ELOVL6: variants seen among roughly 807,000 people sequenced by gnomAD.
The protein encoded by ELOVL6 is ELOVL fatty acid elongase 6.
In ELOVL6, 8 loss-of-function variants were observed where a neutral mutation model predicts 31.7. The ratio of observed to expected loss-of-function variants is 0.25; its 90% CI spans 0.15 to 0.45. ELOVL6 has a LOEUF of 0.45. Ranked by LOEUF, ELOVL6 falls within the 20% of genes least tolerant of loss-of-function variation. ELOVL6 has a pLI of 1.00. For synonymous variants in ELOVL6, 101 were observed against 117.7 expected (o/e 0.86, Z 0.92); for missense variants, 126 against 326.4 (o/e 0.39, Z 4.73).
At chr4:110,125,533 G>C (rs1196291541) in intron 1 of ELOVL6, among the ~76,000 whole-genome samples, 1 of 151,894 alleles carries the variant, frequency 6.6e-6, no homozygotes, top group Admixed American at 6.6e-5. Context: ...GAAAGATAGG[G>C]ATTTAGGCCA....
chr4:110,084,859 C>T (rs907412506), intron 2 of ELOVL6, among the ~76,000 whole-genome samples: 4 of 151,686 alleles, frequency 2.6e-5, no homozygotes, highest in African/African-American at 9.7e-5. Context: ...TCCCAAAGTG[C>T]TGGGATTACA....
chr4:110,079,473 C>G (rs1246969461), intron 2 of ELOVL6, among the ~76,000 whole-genome samples: 1 of 151,998 alleles, frequency 6.6e-6, no homozygotes, highest in South Asian at 2.1e-4. Context: ...AACTGAACAA[C>G]CTGCTCCTGA....
At chr4:110,130,000 C>A (rs1038679383) in intron 1 of ELOVL6, among the ~76,000 whole-genome samples, 1 of 146,068 alleles carries the variant, frequency 6.8e-6, no homozygotes, top group African/African-American at 2.6e-5. Context: ...CGGGTTCAAG[C>A]AGTTCTCCTG....
intron 1 of ELOVL6, among the ~76,000 whole-genome samples, chr4:110,126,851 C>T (rs1757511963): frequency 6.6e-6 from 1 of 152,144 alleles, no homozygotes. Context: ...TCTTCAGCCA[C>T]TCTCTTCCAG....
At chr4:110,105,716 G>GA (rs1756868222) in intron 1 of ELOVL6, 88 bp from the exon 2 acceptor site, 1 of 1,236,646 alleles carries the variant, frequency 8.1e-7, no homozygotes, top group Non-Finnish European at 1.1e-6. Flanking sequence ...TGTAAGCACT[G>GA]AAAAAATATT....
In ELOVL6 at chr4:110,084,746, C is replaced by T. The variant is rs139564094; in HGVS notation, c.221+20751G>A. 8.0e-3 allele frequency among the ~76,000 whole-genome samples: 1,208 copies of T among 150,696 alleles called. 18 individuals are homozygous for T. Among genetic ancestry groups the T allele is most frequent in the African/African-American group, 0.028 (1,127 of 40,844 alleles). ...AGTAGCTGGGGCTACAGGTGCGTGC[C>T]ACCACACCTGGCTAATTTTTGTGTG... On this transcript the variant is annotated intron_variant, in intron 2 of 3. Coordinates refer to ENST00000302274, the MANE Select transcript of ELOVL6 (RefSeq NM_024090.3).
chr4:110,094,722 A>C (rs1215754667), intron 2 of ELOVL6, among the ~76,000 whole-genome samples: 1 of 151,654 alleles, frequency 6.6e-6, no homozygotes, highest in Non-Finnish European at 1.5e-5. Flanking sequence ...ACTACATAAC[A>C]TCAGTCTTTG....
At chr4:110,172,397 C>A (rs1758975167) in intron 1 of ELOVL6, among the ~76,000 whole-genome samples, 2 of 152,144 alleles carry the variant, frequency 1.3e-5, no homozygotes, top group African/African-American at 4.8e-5. Flanking sequence ...AATGTTGTGA[C>A]CAGACACTTG....
chr4:110,081,437 C>T (rs534303817), intron 2 of ELOVL6, among the ~76,000 whole-genome samples: 12 of 152,172 alleles, frequency 7.9e-5, no homozygotes, highest in Admixed American at 7.2e-4. Context: ...GAAATAATGC[C>T]ACATATCTAC....
At chr4:110,141,220 C>T (rs1402047410) in intron 1 of ELOVL6, among the ~76,000 whole-genome samples, 1 of 152,122 alleles carries the variant, frequency 6.6e-6, no homozygotes, top group Non-Finnish European at 1.5e-5. Flanking sequence ...TGAGCCACCA[C>T]ACCCAGCTAA....
intron 1 of ELOVL6, among the ~76,000 whole-genome samples, chr4:110,129,842 G>T (rs896258142): frequency 5.4e-5 from 8 of 149,488 alleles, no homozygotes; most frequent in African/African-American, 2.0e-4. Context: ...TCCCATACAT[G>T]ATTAAGATTC....
chr4:110,066,357 C>T (rs1312785776), intron 2 of ELOVL6, among the ~76,000 whole-genome samples: 1 of 151,984 alleles, frequency 6.6e-6, no homozygotes, highest in Admixed American at 6.6e-5. Flanking sequence ...GCATCTCAGG[C>T]CAGGCACGGT....
chr4:110,134,981 A>G (rs1419763298), intron 1 of ELOVL6, among the ~76,000 whole-genome samples: 3 of 152,150 alleles, frequency 2.0e-5, no homozygotes, highest in African/African-American at 7.2e-5. Context: ...GATGTAGGAC[A>G]TAAGGTGGAA....
intron 1 of ELOVL6, among the ~76,000 whole-genome samples, chr4:110,161,458 T>C (rs1353344010): frequency 6.6e-6 from 1 of 152,130 alleles, no homozygotes; most frequent in Non-Finnish European, 1.5e-5. Context: ...GATGAAAAAT[T>C]GGAGTTGCCT....
At chr4:110,198,188 G>T in intron 1 of ELOVL6, 59 bp downstream of exon 1, 3 of 1,026,644 alleles carry the variant, frequency 2.9e-6, no homozygotes, top group Non-Finnish European at 3.1e-6. Flanking sequence ...CGACATTAAG[G>T]CACTCCGGGA....
chr4:110,121,123 G>A (rs2126253889), intron 1 of ELOVL6, among the ~76,000 whole-genome samples: 1 of 152,282 alleles, frequency 6.6e-6, no homozygotes, highest in South Asian at 2.1e-4. Flanking sequence ...CTGGAAGGAA[G>A]TATGGGAATG....
chr4:110,150,967 T>C (rs1758262738), intron 1 of ELOVL6, among the ~76,000 whole-genome samples: 2 of 151,394 alleles, frequency 1.3e-5, no homozygotes, highest in African/African-American at 4.9e-5. Flanking sequence ...TGCTTGAACC[T>C]GGGAGGCGGA....
intron 1 of ELOVL6, chr4:110,117,998 G>T (rs867385776): frequency 3.5e-5 from 4 of 113,178 alleles, no homozygotes; most frequent in African/African-American, 1.0e-4. Context: ...TCACTCTATC[G>T]CCCAGGCTGG....
chr4:110,118,312 C>G (rs760900135), intron 1 of ELOVL6, among the ~76,000 whole-genome samples: 57 of 151,982 alleles, frequency 3.8e-4, no homozygotes, highest in Non-Finnish European at 6.6e-4. Context: ...GACACCACCC[C>G]CCTAACTCCA....
Sources: allele counts gnomAD v4.1 joint callset (sites outside exome capture counted in the v4.1 genomes callset), GRCh38; gene constraint gnomAD v4.1.1; transcripts MANE v1.5; gene names NCBI Gene and HGNC (gene_info 2026-07-23, HGNC 2026-07-21).